PXDNL: variants seen among roughly 807,000 people sequenced by gnomAD.
PXDNL encodes the protein probable oxidoreductase PXDNL.
In PXDNL, 145 loss-of-function variants were observed where a neutral mutation model predicts 150.8. The observed-to-expected ratio is 0.96, with a 90% CI of 0.84 to 1.10. The LOEUF (loss-of-function observed/expected upper bound fraction) is 1.10. PXDNL is among the 50% of genes least tolerant of loss of function. The pLI, the probability that PXDNL is intolerant of heterozygous loss-of-function variation, is 0.00. For missense variants in PXDNL, 2,087 were observed against 1,873.9 expected (o/e 1.11, Z -2.10); for synonymous variants, 757 against 725.7 (o/e 1.04, Z -0.69).
At chr8:51,555,833 A>G (rs1360289314) in intron 4 of PXDNL, among the ~76,000 whole-genome samples, 1 of 152,234 alleles carries the variant, frequency 6.6e-6, no homozygotes, top group Non-Finnish European at 1.5e-5. Flanking sequence ...ATTGCAGTTT[A>G]GTAGCAGTAT....
chr8:51,603,543 AT>A (rs766219460), intron 2 of PXDNL, among the ~76,000 whole-genome samples: 6 of 151,768 alleles, frequency 4.0e-5, no homozygotes, highest in Non-Finnish European at 7.4e-5. Flanking sequence ...TAGGATATTG[AT>A]TTTTTCTTAT....
chr8:51,432,768 T>G (rs534554663), intron 12 of PXDNL, among the ~76,000 whole-genome samples: 1 of 152,362 alleles, frequency 6.6e-6, no homozygotes, highest in South Asian at 2.1e-4. Context: ...TTGGATTGTG[T>G]TTGAGGATAA....
Position 51,702,625 on chromosome 8 carries a change from C to T in PXDNL, c.165-47865G>A, listed in dbSNP as rs537766774. Among the ~76,000 whole-genome samples the T allele has an allele frequency of 6.6e-5, 10 of 152,202 alleles. No individual in the cohort carries two copies. The East Asian group carries it at 1.9e-3, about 29-fold the overall frequency. On this transcript the variant is annotated intron_variant, in intron 1 of 22. Transcript: ENST00000356297. Reference sequence around the variant, plus strand: ...GTGGGACATTGACAAGGTACTTAAGCGGGGTGCCTCAATCTCCCCATCTAT... The same window carrying T: ...GTGGGACATTGACAAGGTACTTAAGTGGGGTGCCTCAATCTCCCCATCTAT...
chr8:51,747,842 T>A (rs1017395383), intron 1 of PXDNL, among the ~76,000 whole-genome samples: 1 of 152,196 alleles, frequency 6.6e-6, no homozygotes, highest in African/African-American at 2.4e-5. Context: ...AAAAGTCACC[T>A]TATTCCAAAA....
chr8:51,326,323 C>A (rs1199156471), intron 21 of PXDNL, among the ~76,000 whole-genome samples: 1 of 152,084 alleles, frequency 6.6e-6, no homozygotes, highest in African/African-American at 2.4e-5. Flanking sequence ...CATGGTGAAA[C>A]CCCATCTCTG....
chr8:51,610,397 T>C (rs955507921), intron 2 of PXDNL, among the ~76,000 whole-genome samples: 1 of 152,222 alleles, frequency 6.6e-6, no homozygotes, highest in Non-Finnish European at 1.5e-5. Flanking sequence ...TTAAAAACTA[T>C]ACATTTGCTA....
At chr8:51,540,409 C>T (rs999546540) in intron 4 of PXDNL, among the ~76,000 whole-genome samples, 1 of 152,054 alleles carries the variant, frequency 6.6e-6, no homozygotes, top group Admixed American at 6.6e-5. Context: ...GATATATCCC[C>T]AAAATTTCTG....
chr8:51,325,366 G>A (rs1805450564), intron 21 of PXDNL, among the ~76,000 whole-genome samples: 1 of 152,168 alleles, frequency 6.6e-6, no homozygotes, highest in South Asian at 2.1e-4. Context: ...GGGAAGAGGG[G>A]TCCCACATCA....
intron 4 of PXDNL, among the ~76,000 whole-genome samples, chr8:51,506,101 C>A (rs1276190355): frequency 6.6e-6 from 1 of 152,198 alleles, no homozygotes; most frequent in Non-Finnish European, 1.5e-5. Flanking sequence ...ATCTCATTTG[C>A]ATGCTGTGCT....
At chr8:51,538,131 A>G (rs1812126761) in intron 4 of PXDNL, among the ~76,000 whole-genome samples, 1 of 152,186 alleles carries the variant, frequency 6.6e-6, no homozygotes, top group South Asian at 2.1e-4. Context: ...AATGCCCAAA[A>G]CTGCTCTCCA....
At chr8:51,682,783 G>C (rs1294745864) in intron 1 of PXDNL, among the ~76,000 whole-genome samples, 4 of 152,068 alleles carry the variant, frequency 2.6e-5, no homozygotes, top group Admixed American at 6.6e-5. Flanking sequence ...TTTGACTAAA[G>C]CAGTGGTTCT....
chr8:51,514,718 A>G (rs1310516526), intron 4 of PXDNL, among the ~76,000 whole-genome samples: 1 of 152,170 alleles, frequency 6.6e-6, no homozygotes, highest in South Asian at 2.1e-4. Flanking sequence ...GCCACTCCAC[A>G]AAGTCCAAGC....
intron 4 of PXDNL, among the ~76,000 whole-genome samples, chr8:51,527,272 G>A (rs945013855): frequency 1.3e-5 from 2 of 152,072 alleles, no homozygotes; most frequent in African/African-American, 2.4e-5. Context: ...CCTACCTCCT[G>A]CGAGGATGTT....
chr8:51,462,524 A>G (rs962256110), intron 8 of PXDNL, among the ~76,000 whole-genome samples: 1 of 152,210 alleles, frequency 6.6e-6, no homozygotes, highest in African/African-American at 2.4e-5. Context: ...TAACAACAGA[A>G]CAGACCAAGC....
chr8:51,422,792 A>G (rs1394968066), intron 14 of PXDNL, among the ~76,000 whole-genome samples: 1 of 152,154 alleles, frequency 6.6e-6, no homozygotes, highest in African/African-American at 2.4e-5. Context: ...GTGAACTCCC[A>G]CATGCAGACA....
At chr8:51,589,890 C>T (rs1192323316) in intron 3 of PXDNL, among the ~76,000 whole-genome samples, 1 of 152,088 alleles carries the variant, frequency 6.6e-6, no homozygotes, top group African/African-American at 2.4e-5. Context: ...GCCCAAGTGA[C>T]CATTTGCTAA....
At chr8:51,322,984 G>A (rs1805374588) in intron 21 of PXDNL, among the ~76,000 whole-genome samples, 3 of 152,154 alleles carry the variant, frequency 2.0e-5, no homozygotes. Context: ...AGGATGATAA[G>A]ACAAATATTA....
chr8:51,756,265 G>A (rs558404340), intron 1 of PXDNL, among the ~76,000 whole-genome samples: 12 of 151,996 alleles, frequency 7.9e-5, no homozygotes, highest in Admixed American at 2.6e-4. Context: ...AAGGTGGTGC[G>A]CCGGCAGTCT....
chr8:51,329,513 G>A (rs1805616078), intron 21 of PXDNL, among the ~76,000 whole-genome samples: 1 of 152,064 alleles, frequency 6.6e-6, no homozygotes, highest in South Asian at 2.1e-4. Context: ...CAAAGGAAGG[G>A]AAAAAACACA....
Sources: allele counts gnomAD v4.1 joint callset (sites outside exome capture counted in the v4.1 genomes callset), GRCh38; gene constraint gnomAD v4.1.1; transcripts MANE v1.5; gene names NCBI Gene and HGNC (gene_info 2026-07-23, HGNC 2026-07-21).